The following EXTL3 variants were observed in gnomAD, a reference collection of about 807,000 sequenced individuals.
EXTL3 encodes exostosin like glycosyltransferase 3.
A neutral mutation model predicts 69.3 loss-of-function variants in EXTL3; 27 were observed. That is an observed-to-expected ratio of 0.39 (90% CI 0.29 to 0.54). The LOEUF is 0.54. Among genes scored for constraint, EXTL3 ranks in the 20% least tolerant of loss-of-function variants. EXTL3 has a pLI of 0.69. For synonymous variants in EXTL3, 511 were observed against 499.4 expected, an observed-to-expected ratio of 1.02 and a Z score of -0.31; for missense variants, 1,003 against 1,231.8, an observed-to-expected ratio of 0.81 and a Z score of 2.78.
intron 3 of EXTL3, 84 bp from the exon 4 acceptor site, chr8:28,731,139 G>C (rs1017094465): frequency 6.4e-7 from 1 of 1,551,236 alleles, no homozygotes. Flanking sequence ...ATCCAGCCAT[G>C]GTCTCCTTGG....
intron 1 of EXTL3, among the ~76,000 whole-genome samples, chr8:28,658,205 G>C (rs1005487309): frequency 1.4e-5 from 1 of 72,350 alleles, no homozygotes; most frequent in Non-Finnish European, 2.8e-5. Context: ...ACGGTGGGTG[G>C]GGGGGGTCCC....
chr8:28,636,331 C>CAA (rs377313297), intron 1 of EXTL3, among the ~76,000 whole-genome samples: 19,302 of 115,628 alleles, frequency 0.17, 2,451 homozygotes, highest in African/African-American at 0.37. Flanking sequence ...GACTCCATCT[C>CAA]AAAAAAAAAA....
intron 6 of EXTL3, among the ~76,000 whole-genome samples, chr8:28,744,456 G>A (rs1306871742): frequency 6.6e-6 from 1 of 152,050 alleles, no homozygotes; most frequent in African/African-American, 2.4e-5. Flanking sequence ...TCAGGAGTTC[G>A]TGAGCAGCCT....
At chr8:28,671,681 C>G (rs1807297180) in intron 1 of EXTL3, among the ~76,000 whole-genome samples, 1 of 152,118 alleles carries the variant, frequency 6.6e-6, no homozygotes, top group Non-Finnish European at 1.5e-5. Flanking sequence ...TTGGCTGCCC[C>G]CTTTAATCAA....
rs577984665 is a variant in EXTL3 at position 28,663,187 on chromosome 8, T to C, written c.-53+40377T>C. The stretch of plus-strand genomic sequence containing the variant: ...AAATTTTACTCAGTCCTTGTGGTTA[T>C]ATGTTGGTTCAGCACTAATACCAGG... On this transcript the variant is annotated intron_variant, in intron 1 of 6. Coordinates refer to the EXTL3 transcript ENST00000523149. Among the ~76,000 whole-genome samples the C allele has an allele frequency of 2.6e-5, 4 of 152,338 alleles. No homozygotes were observed. In the South Asian group the frequency reaches 8.3e-4, roughly 32 times the overall value.
At chr8:28,661,196 ATTGT>A (rs1289036696) in intron 1 of EXTL3, among the ~76,000 whole-genome samples, 1 of 151,810 alleles carries the variant, frequency 6.6e-6, no homozygotes, top group Non-Finnish European at 1.5e-5. Flanking sequence ...TACAGGTGTG[ATTGT>A]TTGTTTCTAT....
At chr8:28,644,288 C>T (rs571662078) in intron 1 of EXTL3, among the ~76,000 whole-genome samples, 2 of 152,226 alleles carry the variant, frequency 1.3e-5, no homozygotes, top group South Asian at 2.1e-4. Context: ...ACATTTAGGA[C>T]GTTTCAAGTT....
intron 3 of EXTL3, among the ~76,000 whole-genome samples, chr8:28,726,879 CTTT>C (rs11458194): frequency 1.0e-5 from 1 of 99,944 alleles, no homozygotes; most frequent in Non-Finnish European, 1.9e-5. Context: ...CTTTTCTTTT[CTTT>C]TTTTTTTTTT....
chr8:28,743,762 A>G (rs1801827579), intron 6 of EXTL3, among the ~76,000 whole-genome samples: 1 of 152,158 alleles, frequency 6.6e-6, no homozygotes, highest in Non-Finnish European at 1.5e-5. Flanking sequence ...ATTGTAGTTT[A>G]TATACCTAAA....
At chr8:28,650,493 G>A (rs1439571484) in intron 1 of EXTL3, among the ~76,000 whole-genome samples, 2 of 151,856 alleles carry the variant, frequency 1.3e-5, no homozygotes, top group African/African-American at 4.8e-5. Flanking sequence ...GAGCAGCTGG[G>A]ATTACAGGTA....
At chr8:28,755,895 T>C (rs1802113845), downstream of EXTL3, among the ~76,000 whole-genome samples, 1 of 152,192 alleles carries the variant, frequency 6.6e-6, no homozygotes, top group African/African-American at 2.4e-5. Context: ...CATAAATGTC[T>C]ATGTCATTTT....
chr8:28,635,430 A>G (rs1395743613), intron 1 of EXTL3, among the ~76,000 whole-genome samples: 1 of 148,550 alleles, frequency 6.7e-6, no homozygotes, highest in African/African-American at 2.5e-5. Context: ...GGCCGAGCGC[A>G]GTGGCTCACA....
chr8:28,731,401 C>A, intron 4 of EXTL3, 51 bp downstream of exon 4: 3 of 1,602,552 alleles, frequency 1.9e-6, no homozygotes, highest in South Asian at 2.2e-5. Flanking sequence ...GACAGAAAAC[C>A]TGGATTAGGC....
intron 6 of EXTL3, among the ~76,000 whole-genome samples, chr8:28,749,080 C>T (rs1801949720): frequency 6.6e-6 from 1 of 151,902 alleles, no homozygotes; most frequent in African/African-American, 2.4e-5. Flanking sequence ...ATTTCTTCAC[C>T]TCAGGTCACA....
chr8:28,705,885 G>T (rs2130711802), intron 1 of EXTL3, among the ~76,000 whole-genome samples: 1 of 152,322 alleles, frequency 6.6e-6, no homozygotes, highest in East Asian at 1.9e-4. Context: ...AAGATAGGAA[G>T]AATGCAGAAA....
chr8:28,647,033 A>G (rs1806841083), intron 1 of EXTL3, among the ~76,000 whole-genome samples: 1 of 152,148 alleles, frequency 6.6e-6, no homozygotes, highest in South Asian at 2.1e-4. Flanking sequence ...CTTACATTCA[A>G]GCAGATGCAA....
At chr8:28,611,989 G>T (rs1052681579) in intron 2 of EXTL3, among the ~76,000 whole-genome samples, 5 of 152,182 alleles carry the variant, frequency 3.3e-5, no homozygotes, top group Admixed American at 6.5e-5. Context: ...CTTCACTGAC[G>T]TGTGCCCGCC....
chr8:28,682,156 TTTCA>T (rs1807500588), intron 1 of EXTL3, among the ~76,000 whole-genome samples: 2 of 152,358 alleles, frequency 1.3e-5, no homozygotes, highest in South Asian at 4.1e-4. Flanking sequence ...TGAGATGATA[TTTCA>T]TTGTGGTTTT....
intron 1 of EXTL3, among the ~76,000 whole-genome samples, chr8:28,672,072 T>C (rs1563443160): frequency 6.6e-6 from 1 of 152,094 alleles, no homozygotes; most frequent in South Asian, 2.1e-4. Context: ...AAAGAGGAGA[T>C]GGAGGTTGCT....
Sources: gnomAD v4.1 joint callset for allele counts (sites outside exome capture counted in the v4.1 genomes callset) on GRCh38, gnomAD v4.1.1 for gene constraint, MANE v1.5 for transcripts, NCBI Gene and HGNC (gene_info 2026-07-23, HGNC 2026-07-21) for gene names.